The following SLC1A2 variants were observed in gnomAD, a reference collection of about 807,000 sequenced individuals.
SLC1A2 encodes the protein excitatory amino acid transporter 2.
SLC1A2 carries 15 observed loss-of-function variants against 48.8 expected under a neutral mutation model. The observed-to-expected ratio is 0.31, with a 90% CI of 0.21 to 0.47. SLC1A2 has a LOEUF of 0.47. Ranked by LOEUF, SLC1A2 falls within the 20% of genes least tolerant of loss-of-function variation. The pLI, the probability that SLC1A2 is intolerant of heterozygous loss-of-function variation, is 0.99. For missense variants in SLC1A2, 502 were observed against 730.5 expected (o/e 0.69, Z 3.61); for synonymous variants, 279 against 272.6 (o/e 1.02, Z -0.23).
chr11:35,322,547 T>C (rs1200592142), intron 1 of SLC1A2: 2 of 1,469,374 alleles, frequency 1.4e-6, no homozygotes, highest in African/African-American at 1.4e-5. Flanking sequence ...AGGTTTGCAA[T>C]GGGCTTCACC....
chr11:35,382,140 C>CAGCT (rs1854444263), intron 1 of SLC1A2, among the ~76,000 whole-genome samples: 4 of 152,190 alleles, frequency 2.6e-5, no homozygotes, highest in Non-Finnish European at 4.4e-5. Flanking sequence ...TGAAATCAAA[C>CAGCT]TCAGCTCCAT....
At chr11:35,261,159 A>G (rs1426717348) in intron 10 of SLC1A2, among the ~76,000 whole-genome samples, 194 bp from the exon 11 acceptor site, 1 of 152,170 alleles carries the variant, frequency 6.6e-6, no homozygotes, top group Non-Finnish European at 1.5e-5. Context: ...AAAAATCCAT[A>G]TTTGCCTTGG....
chr11:35,350,249 T>C (rs901530835), intron 1 of SLC1A2, among the ~76,000 whole-genome samples: 1 of 152,240 alleles, frequency 6.6e-6, no homozygotes, highest in Non-Finnish European at 1.5e-5. Context: ...CCTTTAATTT[T>C]CTTTTTCCAA....
chr11:35,353,732 C>T (rs183407698), intron 1 of SLC1A2, among the ~76,000 whole-genome samples: 8 of 152,240 alleles, frequency 5.3e-5, no homozygotes, highest in Non-Finnish European at 7.3e-5. Context: ...ACCTTTCTAC[C>T]ATCAACAGAC....
chr11:35,303,908 A>T (rs1851426707), intron 5 of SLC1A2, among the ~76,000 whole-genome samples: 1 of 152,148 alleles, frequency 6.6e-6, no homozygotes, highest in African/African-American at 2.4e-5. Context: ...AAGACAGCAA[A>T]ACAAACAAAT....
chr11:35,266,698 C>CA (rs35034122), intron 9 of SLC1A2, among the ~76,000 whole-genome samples: 5 of 151,576 alleles, frequency 3.3e-5, no homozygotes, highest in African/African-American at 9.7e-5. Context: ...TGGAAAACCA[C>CA]AAAAAAAAGT....
chr11:35,355,391 C>CT (rs895477318), intron 1 of SLC1A2, among the ~76,000 whole-genome samples: 1 of 152,102 alleles, frequency 6.6e-6, no homozygotes, highest in Non-Finnish European at 1.5e-5. Context: ...TCTTTGATGG[C>CT]TTTTTTTCTG....
chr11:35,329,209 G>C lies in SLC1A2; in HGVS notation c.18-11693C>G, dbSNP rs541877560. Among the ~76,000 whole-genome samples, 6 of 152,346 alleles carry C rather than the reference G, an allele frequency of 3.9e-5. No individual in the cohort carries two copies. The South Asian group carries it at 1.2e-3, about 32-fold the overall frequency. On this transcript the variant is annotated intron_variant, in intron 1 of 10. Transcript: ENST00000278379. The stretch of plus-strand genomic sequence containing the variant: ...ATTCTGGAAAAGGCAAAACTATGGA[G>C]GGGCATGGTGCTGAATAGGTGAAGC...
chr11:35,322,479 A>G, intron 1 of SLC1A2: 4 of 804,102 alleles, frequency 5.0e-6, no homozygotes, highest in Non-Finnish European at 4.1e-6. Flanking sequence ...ATGAGGTGGC[A>G]ACAGAACACT....
In SLC1A2 at chr11:35,257,667, A is replaced by G. The variant is rs758265828; in HGVS notation, c.*3227T>C. On this transcript the variant is annotated 3_prime_UTR_variant, in exon 11 of 11. Coordinates refer to ENST00000278379, the MANE Select transcript of SLC1A2 (RefSeq NM_004171.4). ...TGGATTTGATTCATTGAATTTGAGT[A>G]AGTAATTAAGTGATGATTCCACTTG... The G allele has an allele frequency of 6.6e-6, 1 of 152,188 alleles. No individual in the cohort carries two copies. The highest frequency in any genetic ancestry group is 1.5e-5 in the Non-Finnish European group (1 of 68,028). 9.4% of individuals were successfully genotyped at this position (152,188 alleles called of 1,614,324 possible).
chr11:35,357,354 A>G (rs923930279), intron 1 of SLC1A2, among the ~76,000 whole-genome samples: 4 of 152,198 alleles, frequency 2.6e-5, no homozygotes, highest in Non-Finnish European at 5.9e-5. Flanking sequence ...AATGACTTAA[A>G]TTAGACAGGA....
In SLC1A2 at chr11:35,358,652, T is replaced by C. The variant is rs558697800; in HGVS notation, c.18-41136A>G. 1.7e-3 allele frequency among the ~76,000 whole-genome samples: 254 copies of C among 152,310 alleles called. 1 individual carries two copies. Among genetic ancestry groups the C allele is most frequent in the African/African-American group, 5.8e-3 (241 of 41,568 alleles). On this transcript the variant is annotated intron_variant, in intron 1 of 10. Transcript: ENST00000278379. ...TTGACTTCTTTATTTTATTTTTTTA[T>C]CATCATCTTGGACTTCTGAAAAGAG...
At chr11:35,345,761 A>C (rs186613976) in intron 1 of SLC1A2, among the ~76,000 whole-genome samples, 113 of 152,372 alleles carry the variant, frequency 7.4e-4, no homozygotes, top group African/African-American at 2.7e-3. Context: ...GAGCTAAATA[A>C]TATACATTTT....
chr11:35,304,841 C>A (rs1014899216), intron 5 of SLC1A2, among the ~76,000 whole-genome samples: 7 of 152,006 alleles, frequency 4.6e-5, no homozygotes, highest in Non-Finnish European at 1.0e-4. Context: ...ATGTCCCATG[C>A]AATATTTGTG....
At chr11:35,283,367 G>C (rs576065403) in intron 8 of SLC1A2, among the ~76,000 whole-genome samples, 2 of 152,308 alleles carry the variant, frequency 1.3e-5, no homozygotes, top group South Asian at 4.1e-4. Context: ...ACAAACTGCA[G>C]GCATGAAGTA....
chr11:35,335,423 G>A (rs1015530579), intron 1 of SLC1A2, among the ~76,000 whole-genome samples: 3 of 152,242 alleles, frequency 2.0e-5, no homozygotes, highest in Admixed American at 6.5e-5. Flanking sequence ...ATGAAGTCAC[G>A]GGGAACAAAT....
chr11:35,332,184 T>C (rs1448002462), intron 1 of SLC1A2, among the ~76,000 whole-genome samples: 1 of 152,196 alleles, frequency 6.6e-6, no homozygotes, highest in East Asian at 1.9e-4. Flanking sequence ...TTACCACAAG[T>C]GATCATGACT....
At chr11:35,270,498 T>C (rs1434151925) in intron 9 of SLC1A2, among the ~76,000 whole-genome samples, 2 of 152,248 alleles carry the variant, frequency 1.3e-5, no homozygotes, top group East Asian at 3.8e-4. Flanking sequence ...AGATGTTTAA[T>C]AAGCATCTTA....
At chr11:35,363,003 T>C (rs74372201) in intron 1 of SLC1A2, among the ~76,000 whole-genome samples, 2,538 of 152,292 alleles carry the variant, frequency 0.017, 69 homozygotes, top group African/African-American at 0.058. Flanking sequence ...ATTATTCCTA[T>C]TGGGGACAAG....
Sources: allele counts gnomAD v4.1 joint callset (sites outside exome capture counted in the v4.1 genomes callset), GRCh38; gene constraint gnomAD v4.1.1; transcripts MANE v1.5; gene names NCBI Gene and HGNC (gene_info 2026-07-23, HGNC 2026-07-21).